The following SUPT3H variants were observed in gnomAD, a reference collection of about 807,000 sequenced individuals.
The protein encoded by SUPT3H is transcription initiation protein SPT3 homolog.
Under a neutral mutation model 44.3 loss-of-function variants are expected in SUPT3H, and 44 were observed. That is an observed-to-expected ratio of 0.99 (90% CI 0.78 to 1.28). The LOEUF is 1.28. Among genes scored for constraint, SUPT3H ranks in the 50% most tolerant of loss-of-function variants. SUPT3H has a pLI of 0.00. For synonymous variants in SUPT3H, 124 were observed against 125.6 expected, an observed-to-expected ratio of 0.99 and a Z score of 0.09; for missense variants, 380 against 387.1, an observed-to-expected ratio of 0.98 and a Z score of 0.15.
In SUPT3H at chr6:44,929,409, A is replaced by AT. The variant is rs556103887; in HGVS notation, c.912+3243dup. On this transcript the variant is annotated intron_variant, in intron 10 of 10. Coordinates refer to ENST00000371459, the MANE Select transcript of SUPT3H (RefSeq NM_003599.4). Reference sequence around the variant, plus strand: ...ATACACATTGTTATGGGTATTCTAAATTAGATGTTACATTTAAATATATAC... The same window carrying AT: ...ATACACATTGTTATGGGTATTCTAAATTTAGATGTTACATTTAAATATATAC... Among the ~76,000 whole-genome samples, 726 of 152,294 alleles carry AT rather than the reference A, an allele frequency of 4.8e-3. 4 individuals carry two copies. Among genetic ancestry groups the AT allele is most frequent in the African/African-American group, 0.017 (693 of 41,562 alleles).
chr6:45,331,741 C>T (rs914265719), intron 2 of SUPT3H, among the ~76,000 whole-genome samples: 49 of 151,894 alleles, frequency 3.2e-4, no homozygotes, highest in African/African-American at 1.2e-3. Context: ...CTCTCCTGAT[C>T]AATCCGTCTC....
At chr6:44,943,573 GA>G (rs572279662) in intron 9 of SUPT3H, among the ~76,000 whole-genome samples, 6 of 152,082 alleles carry the variant, frequency 3.9e-5, no homozygotes, top group African/African-American at 1.4e-4. Flanking sequence ...TAAATACAAA[GA>G]AAACCATGTC....
intron 10 of SUPT3H, among the ~76,000 whole-genome samples, chr6:44,910,679 T>C (rs1292318402): frequency 1.6e-5 from 2 of 128,506 alleles, no homozygotes; most frequent in Non-Finnish European, 3.3e-5. Context: ...ATTTAGAAAA[T>C]GTATTTTCTT....
intron 2 of SUPT3H, among the ~76,000 whole-genome samples, chr6:45,363,622 A>G (rs776037466): frequency 1.3e-5 from 2 of 152,098 alleles, no homozygotes; most frequent in East Asian, 1.9e-4. Context: ...CATAATTAAC[A>G]TAACACAACA....
intron 11 of SUPT3H, among the ~76,000 whole-genome samples, chr6:44,809,806 T>C (rs1235554413): frequency 6.6e-6 from 1 of 152,132 alleles, no homozygotes; most frequent in Non-Finnish European, 1.5e-5. Context: ...CTTAAAGTCA[T>C]CTAGTAGAAC....
At chr6:45,111,824 C>G (rs1220913860) in intron 2 of SUPT3H, among the ~76,000 whole-genome samples, 2 of 152,008 alleles carry the variant, frequency 1.3e-5, no homozygotes, top group African/African-American at 4.8e-5. Flanking sequence ...AAAGAAATAG[C>G]ACCAAACTAA....
intron 2 of SUPT3H, among the ~76,000 whole-genome samples, chr6:45,233,485 G>T (rs944751147): frequency 6.6e-6 from 1 of 152,182 alleles, no homozygotes; most frequent in African/African-American, 2.4e-5. Flanking sequence ...CAGAATTTGT[G>T]AAGGTAGAGA....
chr6:45,316,765 A>G (rs1179604119), intron 2 of SUPT3H, among the ~76,000 whole-genome samples: 2 of 152,222 alleles, frequency 1.3e-5, no homozygotes, highest in Non-Finnish European at 2.9e-5. Flanking sequence ...GATGAAAGAA[A>G]TGGAAGACAC....
intron 5 of SUPT3H, among the ~76,000 whole-genome samples, chr6:45,008,549 C>T (rs568426950): frequency 4.2e-4 from 64 of 151,746 alleles, no homozygotes; most frequent in African/African-American, 1.3e-3. Flanking sequence ...GAGATGGGGT[C>T]TTGCTTTGTT....
chr6:45,298,343 TAAAA>T (rs1325205010), intron 2 of SUPT3H, among the ~76,000 whole-genome samples: 3 of 152,126 alleles, frequency 2.0e-5, no homozygotes, highest in Non-Finnish European at 4.4e-5. Context: ...TTTTGTCACT[TAAAA>T]GAAAAAAAAA....
intron 2 of SUPT3H, among the ~76,000 whole-genome samples, chr6:45,190,919 G>A (rs146289412): frequency 6.6e-6 from 1 of 152,182 alleles, no homozygotes; most frequent in Non-Finnish European, 1.5e-5. Flanking sequence ...AATACCATAT[G>A]CTGACAAAGG....
chr6:45,047,686 C>T (rs1716512095), intron 3 of SUPT3H, among the ~76,000 whole-genome samples: 1 of 152,050 alleles, frequency 6.6e-6, no homozygotes, highest in Non-Finnish European at 1.5e-5. Context: ...TTCCATATGG[C>T]TGTACTAATT....
intron 10 of SUPT3H, among the ~76,000 whole-genome samples, chr6:44,920,978 C>T (rs1294250805): frequency 6.6e-6 from 1 of 152,216 alleles, no homozygotes; most frequent in Admixed American, 6.5e-5. Context: ...TTCACTTCCT[C>T]AGGCAGATTG....
At chr6:45,057,446 A>AAT (rs1176901862) in intron 3 of SUPT3H, among the ~76,000 whole-genome samples, 1 of 152,132 alleles carries the variant, frequency 6.6e-6, no homozygotes, top group Non-Finnish European at 1.5e-5. Flanking sequence ...TTGTGATGAC[A>AAT]CAAAACCCAA....
intron 10 of SUPT3H, among the ~76,000 whole-genome samples, chr6:44,834,613 G>GC (rs1049184885): frequency 5.3e-5 from 8 of 152,096 alleles, no homozygotes; most frequent in Admixed American, 5.2e-4. Context: ...AATTCCTCTG[G>GC]CCCCATTCTT....
chr6:44,936,267 T>C (rs141484775), intron 9 of SUPT3H, among the ~76,000 whole-genome samples: 135 of 152,358 alleles, frequency 8.9e-4, no homozygotes, highest in Non-Finnish European at 1.6e-3. Flanking sequence ...GTACAACATA[T>C]GTAATTTTCT....
chr6:44,809,511 CAG>C (rs1232918104), intron 11 of SUPT3H: 2 of 152,094 alleles, frequency 1.3e-5, no homozygotes, highest in African/African-American at 2.4e-5. Context: ...CCTACAGGGA[CAG>C]AGAGAAATAA....
intron 2 of SUPT3H, among the ~76,000 whole-genome samples, chr6:45,311,201 C>T (rs1404821861): frequency 6.6e-6 from 1 of 152,106 alleles, no homozygotes; most frequent in African/African-American, 2.4e-5. Context: ...ACAAGGTCTT[C>T]GAACTAACCC....
At chr6:45,002,652 A>G (rs1213059796) in intron 6 of SUPT3H, among the ~76,000 whole-genome samples, 2 of 152,084 alleles carry the variant, frequency 1.3e-5, no homozygotes, top group Non-Finnish European at 2.9e-5. Context: ...TTGAACTAAA[A>G]TTATTTGCAG....
Sources: gnomAD v4.1 joint callset for allele counts (sites outside exome capture counted in the v4.1 genomes callset) on GRCh38, gnomAD v4.1.1 for gene constraint, MANE v1.5 for transcripts, NCBI Gene and HGNC (gene_info 2026-07-23, HGNC 2026-07-21) for gene names.